Variants in RALYL observed in about 807,000 individuals in gnomAD.
RALYL encodes RNA-binding Raly-like protein.
A neutral mutation model predicts 35.1 loss-of-function variants in RALYL; 29 were observed. The observed-to-expected ratio is 0.83, with a 90% CI of 0.61 to 1.13. The LOEUF (loss-of-function observed/expected upper bound fraction) is 1.13, where lower values mean the gene tolerates loss of function less well. Ranked by LOEUF, RALYL falls within the 50% of genes most tolerant of loss-of-function variation. The pLI is 0.00. For missense variants in RALYL, 359 were observed against 360.4 expected (o/e 1.00, Z 0.03); for synonymous variants, 120 against 127.6 (o/e 0.94, Z 0.40).
intron 1 of RALYL, among the ~76,000 whole-genome samples, chr8:84,271,030 A>T (rs1834210036): frequency 6.6e-6 from 1 of 152,162 alleles, no homozygotes; most frequent in South Asian, 2.1e-4. Context: ...TTTTAAGGAC[A>T]AGAAGGTGTA....
At chr8:84,321,187 T>TA (rs1344503834) in intron 1 of RALYL, among the ~76,000 whole-genome samples, 2 of 152,106 alleles carry the variant, frequency 1.3e-5, no homozygotes, top group African/African-American at 2.4e-5. Context: ...ACCACCATTA[T>TA]AAAACAAAAT....
rs28668202 is a variant in RALYL at position 84,816,808 on chromosome 8, T to C, written c.365+12006T>C. 9.5e-3 allele frequency among the ~76,000 whole-genome samples: 1,441 copies of C among 152,240 alleles called. 14 individuals are homozygous for C. Among genetic ancestry groups the C allele is most frequent in the African/African-American group, 0.033 (1,379 of 41,532 alleles). On this transcript the variant is annotated intron_variant, in intron 4 of 8. Transcript: ENST00000521268. Reference sequence around the variant, plus strand: ...CACAAAGCGTAAATGCTTGGGAGAATGGATACCGCATTCTCCCTGATGTGA... The same window carrying C: ...CACAAAGCGTAAATGCTTGGGAGAACGGATACCGCATTCTCCCTGATGTGA...
chr8:84,434,217 G>C (rs987700126), intron 1 of RALYL, among the ~76,000 whole-genome samples: 1 of 151,856 alleles, frequency 6.6e-6, no homozygotes, highest in African/African-American at 2.4e-5. Context: ...CTTTTTAAAA[G>C]AACACTAGTC....
intron 1 of RALYL, among the ~76,000 whole-genome samples, chr8:84,401,410 G>A (rs1434142815): frequency 6.6e-6 from 1 of 151,834 alleles, no homozygotes; most frequent in Non-Finnish European, 1.5e-5. Context: ...GGCCGAGGCG[G>A]GCGGATCACG....
chr8:84,788,091 C>T (rs894985406), intron 3 of RALYL, among the ~76,000 whole-genome samples: 8 of 152,140 alleles, frequency 5.3e-5, no homozygotes, highest in South Asian at 2.1e-4. Flanking sequence ...GCAGTCTTTG[C>T]CCATGTCTAT....
At chr8:84,548,738 C>G (rs1484634015) in intron 2 of RALYL, among the ~76,000 whole-genome samples, 1 of 152,096 alleles carries the variant, frequency 6.6e-6, no homozygotes, top group Non-Finnish European at 1.5e-5. Flanking sequence ...AACTTGAGTT[C>G]TCTTTACTGC....
chr8:84,697,885 T>G (rs2132262630), intron 2 of RALYL, among the ~76,000 whole-genome samples: 1 of 152,180 alleles, frequency 6.6e-6, no homozygotes, highest in South Asian at 2.1e-4. Context: ...GAATGCATTC[T>G]CTATTGAAAT....
At chr8:84,194,500 A>G (rs1195460592) in intron 1 of RALYL, among the ~76,000 whole-genome samples, 1 of 152,204 alleles carries the variant, frequency 6.6e-6, no homozygotes, top group Non-Finnish European at 1.5e-5. Flanking sequence ...GGATACAGCA[A>G]TGCAACCCTT....
chr8:84,349,715 G>C (rs1850529789), intron 1 of RALYL, among the ~76,000 whole-genome samples: 1 of 150,496 alleles, frequency 6.6e-6, no homozygotes, highest in East Asian at 1.9e-4. Flanking sequence ...GAATTGACAA[G>C]AGTTCTGGGA....
intron 2 of RALYL, among the ~76,000 whole-genome samples, chr8:84,594,289 A>G (rs1305613981): frequency 6.6e-6 from 1 of 152,108 alleles, no homozygotes; most frequent in Non-Finnish European, 1.5e-5. Context: ...AATTAGACAA[A>G]ATAGGATATT....
chr8:84,762,594 A>AAC (rs1307593058), intron 2 of RALYL, among the ~76,000 whole-genome samples: 4 of 152,226 alleles, frequency 2.6e-5, no homozygotes, highest in African/African-American at 9.6e-5. Context: ...TAAGTTAAAA[A>AAC]GTCAGCTTTA....
intron 2 of RALYL, among the ~76,000 whole-genome samples, chr8:84,752,118 C>A (rs1810195964): frequency 6.6e-6 from 1 of 152,140 alleles, no homozygotes; most frequent in Non-Finnish European, 1.5e-5. Context: ...GAAGTCCAGG[C>A]TAAGGAGGTC....
intron 1 of RALYL, among the ~76,000 whole-genome samples, chr8:84,275,474 AATATAT>A (rs112699780): frequency 6.8e-6 from 1 of 147,096 alleles, no homozygotes; most frequent in East Asian, 2.0e-4. Context: ...GATGTTTTGA[AATATAT>A]ATATATATAT....
chr8:84,608,656 C>T (rs1817667120), intron 2 of RALYL, among the ~76,000 whole-genome samples: 1 of 152,076 alleles, frequency 6.6e-6, no homozygotes, highest in Non-Finnish European at 1.5e-5. Flanking sequence ...ATAAAGTGTG[C>T]CTATCCTAAA....
intron 1 of RALYL, among the ~76,000 whole-genome samples, chr8:84,403,600 T>C (rs866397002): frequency 2.1e-4 from 32 of 149,706 alleles, no homozygotes; most frequent in Non-Finnish European, 3.7e-4. Flanking sequence ...GTAGTATAGT[T>C]TGAAGTCAGG....
chr8:84,362,523 C>T (rs749261951), intron 1 of RALYL, among the ~76,000 whole-genome samples: 11 of 152,224 alleles, frequency 7.2e-5, no homozygotes, highest in Non-Finnish European at 1.0e-4. Context: ...AGCTCTGCCT[C>T]GTGTGAGATC....
intron 1 of RALYL, among the ~76,000 whole-genome samples, chr8:84,387,643 ACTCTCTCC>A (rs759029965): frequency 3.3e-5 from 5 of 150,444 alleles, no homozygotes. Flanking sequence ...TCAGAGAACC[ACTCTCTCC>A]CCTACACCAC....
chr8:84,798,314 C>T (rs766975883), intron 3 of RALYL, among the ~76,000 whole-genome samples: 13 of 126,972 alleles, frequency 1.0e-4, no homozygotes, highest in Admixed American at 4.6e-4. Context: ...AACAAGGATT[C>T]GAGGACTCAG....
chr8:84,837,467 G>T (rs932049184), intron 4 of RALYL, among the ~76,000 whole-genome samples: 5 of 152,054 alleles, frequency 3.3e-5, no homozygotes, highest in African/African-American at 1.2e-4. Context: ...AATGAAGTTC[G>T]GTGAGGGAAA....
Sources: gnomAD v4.1 joint callset for allele counts (sites outside exome capture counted in the v4.1 genomes callset) on GRCh38, gnomAD v4.1.1 for gene constraint, MANE v1.5 for transcripts, NCBI Gene and HGNC (gene_info 2026-07-23, HGNC 2026-07-21) for gene names.